Variants in SYNPR observed in about 807,000 individuals in gnomAD.
SYNPR encodes synaptoporin.
SYNPR carries 23 observed loss-of-function variants against 32.9 expected under a neutral mutation model. The observed-to-expected ratio is 0.70, with a 90% CI of 0.50 to 0.99. SYNPR has a LOEUF of 0.99. Among genes scored for constraint, SYNPR ranks in the 50% least tolerant of loss-of-function variants. The pLI is 0.00. For missense variants in SYNPR, 318 were observed against 349.3 expected (o/e 0.91, Z 0.71); for synonymous variants, 146 against 135.9 (o/e 1.07, Z -0.52).
At chr3:63,400,401 G>A (rs2088275699) in intron 2 of SYNPR, among the ~76,000 whole-genome samples, 1 of 152,216 alleles carries the variant, frequency 6.6e-6, no homozygotes, top group Non-Finnish European at 1.5e-5. Flanking sequence ...GCAGTAACCT[G>A]AAGGACTGAG....
rs148447802 is a variant in SYNPR at position 63,287,467 on chromosome 3, C to T, written c.84+8725C>T. ...CAGACCACACTTTTTAATGACTTTT[C>T]ATTCTAGCTACTCAATCAGAGTAAA... On this transcript the variant is annotated intron_variant, in intron 2 of 5. Coordinates refer to ENST00000478300, the MANE Select transcript of SYNPR (RefSeq NM_001130003.2). Among the ~76,000 whole-genome samples the T allele has an allele frequency of 3.7e-4, 56 of 152,070 alleles. 1 individual carries two copies. The highest frequency in any genetic ancestry group is 6.8e-3 in the Middle Eastern group (2 of 294).
rs749006989 is a variant in SYNPR at position 63,480,967 on chromosome 3, G to A, written c.209+11G>A. On this transcript the variant is annotated intron_variant, in intron 3 of 5. Transcript: ENST00000478300. ...TGCCTACCCATTCAGGTAGGGAATG[G>A]TGGTTCATGCTTGTTAGCCTCACAG... The A allele has an allele frequency of 6.2e-7, 1 of 1,609,310 alleles. No individual in the cohort carries two copies. Among genetic ancestry groups the A allele is most frequent in the Non-Finnish European group, 8.5e-7 (1 of 1,176,968 alleles).
At chr3:63,528,910 TG>T (rs1575693945) in intron 3 of SYNPR, among the ~76,000 whole-genome samples, 2 of 152,258 alleles carry the variant, frequency 1.3e-5, no homozygotes, top group East Asian at 3.9e-4. Flanking sequence ...TCCAATAATT[TG>T]AGAAATAAGT....
intron 2 of SYNPR, among the ~76,000 whole-genome samples, chr3:63,341,984 C>T (rs959326761): frequency 6.6e-6 from 1 of 152,136 alleles, no homozygotes; most frequent in African/African-American, 2.4e-5. Context: ...AGAGGCATTA[C>T]AATTTTGCAT....
intron 2 of SYNPR, among the ~76,000 whole-genome samples, chr3:63,362,524 C>T (rs1484487371): frequency 6.6e-6 from 1 of 152,066 alleles, no homozygotes; most frequent in Admixed American, 6.6e-5. Context: ...TGTTGCCAAG[C>T]CCAACACTAA....
At chr3:63,230,233 T>A (rs2086156862) in intron 1 of SYNPR, among the ~76,000 whole-genome samples, 1 of 152,210 alleles carries the variant, frequency 6.6e-6, no homozygotes, top group East Asian at 1.9e-4. Context: ...ATAACACTTT[T>A]GTCTCTAATG....
chr3:63,220,576 T>G, the SYNPR span, among the ~76,000 whole-genome samples: 1 of 152,306 alleles, frequency 6.6e-6, no homozygotes, highest in African/African-American at 2.4e-5. Context: ...TCTTTCCTGG[T>G]CACTTTCTGT....
chr3:63,392,510 G>T (rs2088151837), intron 2 of SYNPR, among the ~76,000 whole-genome samples: 2 of 152,176 alleles, frequency 1.3e-5, no homozygotes, highest in South Asian at 4.1e-4. Flanking sequence ...AAATAGAGCT[G>T]CATCCTCATA....
chr3:63,438,218 A>C lies in SYNPR; in HGVS notation c.85-42614A>C, dbSNP rs1575644034. Among the ~76,000 whole-genome samples, 3 of 152,068 alleles carry C rather than the reference A, an allele frequency of 2.0e-5. No homozygotes were observed. The East Asian group carries it at 5.8e-4, about 29-fold the overall frequency. Reference sequence around the variant, plus strand: ...GCTATTTTAACTACCATTTTCTCTCATTTTATCTCCCAAGCATGACTACAT... The same window carrying C: ...GCTATTTTAACTACCATTTTCTCTCCTTTTATCTCCCAAGCATGACTACAT... On this transcript the variant is annotated intron_variant, in intron 2 of 5. Transcript: ENST00000478300.
rs749006245 is a variant in SYNPR at position 63,556,724 on chromosome 3, A to T, written c.391A>T (p.Asn131Tyr). 1 of 1,613,182 alleles carries T rather than the reference A, an allele frequency of 6.2e-7. No homozygotes were observed. The highest frequency in any genetic ancestry group is 2.2e-5 in the East Asian group (1 of 44,834). The change falls in exon 4 of 6, where the codon AAC (asparagine) becomes TAC (tyrosine). Residue 131 changes from asparagine (N) to tyrosine (Y), a missense_variant. By Grantham distance (143) the Asn-to-Tyr change is moderately radical. Coordinates refer to ENST00000478300, the MANE Select transcript of SYNPR (RefSeq NM_001130003.2). Reference sequence around the variant, plus strand: ...CTTCCAGAACAAATACCGGGAAAACAACCGGGGCCCACTCATTGTAAGTGG... The same window carrying T: ...CTTCCAGAACAAATACCGGGAAAACTACCGGGGCCCACTCATTGTAAGTGG... The part of the protein sequence containing the change: ...IFFQNKYREN[N>Y]RGPLIDFIVT...
intron 2 of SYNPR, among the ~76,000 whole-genome samples, chr3:63,430,264 G>C (rs1012405574): frequency 2.0e-5 from 3 of 151,784 alleles, no homozygotes; most frequent in Admixed American, 1.3e-4. Flanking sequence ...TAAATTAAAG[G>C]CTTTTTCAAA....
intron 2 of SYNPR, chr3:63,443,615 C>A: frequency 2.1e-6 from 2 of 936,946 alleles, no homozygotes; most frequent in South Asian, 2.0e-5. Context: ...TTTTTCTTGA[C>A]TTTGCTTTCT....
At chr3:63,555,682 C>T (rs1178373056) in intron 3 of SYNPR, among the ~76,000 whole-genome samples, 1 of 152,080 alleles carries the variant, frequency 6.6e-6, no homozygotes, top group East Asian at 1.9e-4. Flanking sequence ...AGTCATCTTA[C>T]AGAACCAAGA....
intron 2 of SYNPR, among the ~76,000 whole-genome samples, chr3:63,416,522 ACT>A (rs1183222600): frequency 6.4e-5 from 8 of 124,898 alleles, no homozygotes; most frequent in African/African-American, 2.5e-4. Flanking sequence ...ACGGAGTGAG[ACT>A]CTGTCTTAAA....
At chr3:63,202,238 A>C in the SYNPR span, among the ~76,000 whole-genome samples, 17 of 152,204 alleles carry the variant, frequency 1.1e-4, no homozygotes, top group African/African-American at 4.1e-4. Context: ...TCCAGGTATA[A>C]CATTCTCTGT....
In SYNPR at chr3:63,468,447, C is replaced by A. The variant is rs1309826352; in HGVS notation, c.85-12385C>A. 2.6e-5 allele frequency among the ~76,000 whole-genome samples: 4 copies of A among 151,518 alleles called. No homozygotes were observed. In the East Asian group the frequency reaches 7.7e-4, roughly 29 times the overall value. On this transcript the variant is annotated intron_variant, in intron 2 of 5. Coordinates refer to ENST00000478300, the MANE Select transcript of SYNPR (RefSeq NM_001130003.2). Reference sequence around the variant, plus strand: ...AGTGTGATGTTATTTATACTTGTGGCCTGTAGCTGGTAAGCTCTGGATTCT... The same window carrying A: ...AGTGTGATGTTATTTATACTTGTGGACTGTAGCTGGTAAGCTCTGGATTCT...
intron 2 of SYNPR, among the ~76,000 whole-genome samples, chr3:63,413,160 A>G (rs1008219923): frequency 5.3e-5 from 8 of 152,230 alleles, no homozygotes; most frequent in Non-Finnish European, 1.0e-4. Context: ...TAGAAACCAT[A>G]AAATAACCTT....
intron 2 of SYNPR, among the ~76,000 whole-genome samples, chr3:63,328,131 A>G (rs2106978476): frequency 6.6e-6 from 1 of 152,288 alleles, no homozygotes; most frequent in East Asian, 1.9e-4. Flanking sequence ...TACAAATCTC[A>G]CATCTACCAC....
At chr3:63,480,607 T>A (rs1432121982) in intron 2 of SYNPR, among the ~76,000 whole-genome samples, 1 of 152,192 alleles carries the variant, frequency 6.6e-6, no homozygotes, top group African/African-American at 2.4e-5. Flanking sequence ...TCTTTAATTA[T>A]TCTCCAAGCC....
Sources: gnomAD v4.1 joint callset for allele counts (sites outside exome capture counted in the v4.1 genomes callset) on GRCh38, gnomAD v4.1.1 for gene constraint, MANE v1.5 for transcripts, NCBI Gene and HGNC (gene_info 2026-07-23, HGNC 2026-07-21) for gene names.